The following MAP2K6 variants were observed in gnomAD, a reference collection of about 807,000 sequenced individuals.
The protein encoded by MAP2K6 is dual specificity mitogen-activated protein kinase kinase 6.
Under a neutral mutation model 53.7 loss-of-function variants are expected in MAP2K6, and 16 were observed. That is an observed-to-expected ratio of 0.30 (90% CI 0.20 to 0.45). The LOEUF (loss-of-function observed/expected upper bound fraction) is 0.45, where lower values mean the gene tolerates loss of function less well. MAP2K6 is among the 20% of genes least tolerant of loss of function. MAP2K6 has a pLI of 1.00. For synonymous variants in MAP2K6, 132 were observed against 143.1 expected (o/e 0.92, Z 0.55); for missense variants, 204 against 411.9 (o/e 0.50, Z 4.37).
intron 4 of MAP2K6, 128 bp from the exon 5 acceptor site, chr17:69,519,185 G>T: frequency 2.1e-6 from 2 of 939,300 alleles, no homozygotes; most frequent in Non-Finnish European, 1.6e-6. Context: ...AATCACTTTG[G>T]GTGGCTATTC....
Position 69,517,595 on chromosome 17 carries a change from G to T in MAP2K6, c.228G>T (p.Gly76=). ...VVEKMRHVPS[G]QIMAVKRIRA... The stretch of plus-strand genomic sequence containing the variant: ...AGAAGATGCGGCACGTGCCCAGCGG[G>T]CAGATCATGGCAGTGAAGGTAGAGT... The change falls in exon 4 of 12, where the codon GGG becomes GGT. Residue 76 remains glycine (G), a synonymous_variant. Coordinates refer to ENST00000590474, the MANE Select transcript of MAP2K6 (RefSeq NM_002758.4). 3.1e-6 allele frequency: 5 copies of T among 1,600,480 alleles called. No individual in the cohort carries two copies. The highest frequency in any genetic ancestry group is 4.3e-6 in the Non-Finnish European group (5 of 1,171,996).
At position 69,541,855 on chromosome 17, in the gene MAP2K6, T is replaced by A; in HGVS notation, c.*102T>A. The A allele has an allele frequency of 3.6e-6, 3 of 844,320 alleles. No individual in the cohort carries two copies. Among genetic ancestry groups the A allele is most frequent in the Non-Finnish European group, 5.7e-6 (3 of 530,204 alleles). 52.3% of individuals were successfully genotyped at this position (844,320 alleles called of 1,614,324 possible). A position where few individuals can be genotyped will look rare whatever the true frequency, so the allele number is the denominator to read the frequency against. ...ATAGAAAGTCATCTTTGAGATAATT[T>A]AACCCTGCCTCTCAGAGGGTTTTCT... On this transcript the variant is annotated 3_prime_UTR_variant, in exon 12 of 12. Coordinates refer to ENST00000590474, the MANE Select transcript of MAP2K6 (RefSeq NM_002758.4).
chr17:69,448,638 C>A (rs963980682), intron 1 of MAP2K6, among the ~76,000 whole-genome samples: 8 of 152,098 alleles, frequency 5.3e-5, no homozygotes, highest in African/African-American at 1.7e-4. Flanking sequence ...CACTCTTGAC[C>A]CCCTGTGGCT....
At chr17:69,439,299 G>A (rs1906743299) in intron 1 of MAP2K6, among the ~76,000 whole-genome samples, 1 of 152,118 alleles carries the variant, frequency 6.6e-6, no homozygotes, top group Non-Finnish European at 1.5e-5. Context: ...AAAAGATTGA[G>A]TCTATCTAAA....
chr17:69,465,664 G>T (rs1050829945), intron 1 of MAP2K6, among the ~76,000 whole-genome samples: 4 of 150,022 alleles, frequency 2.7e-5, no homozygotes, highest in Non-Finnish European at 5.9e-5. Flanking sequence ...TTGTTGTCCA[G>T]GCTGGAATAC....
chr17:69,478,444 T>C (rs915017431), intron 1 of MAP2K6, among the ~76,000 whole-genome samples: 2 of 152,170 alleles, frequency 1.3e-5, no homozygotes, highest in African/African-American at 2.4e-5. Flanking sequence ...CTTTCTTTCT[T>C]TTTTTGAGAC....
intron 1 of MAP2K6, among the ~76,000 whole-genome samples, chr17:69,421,839 G>A (rs1411615980): frequency 6.6e-6 from 1 of 151,920 alleles, no homozygotes; most frequent in Non-Finnish European, 1.5e-5. Context: ...CACCACGCCC[G>A]GCCCAGAGAC....
At chr17:69,468,905 G>A (rs1444711596) in intron 1 of MAP2K6, among the ~76,000 whole-genome samples, 2 of 152,230 alleles carry the variant, frequency 1.3e-5, no homozygotes, top group Non-Finnish European at 2.9e-5. Context: ...GTGCAAAGAT[G>A]TGTAAGAGCT....
At chr17:69,487,620 T>G (rs1348632638) in intron 1 of MAP2K6, among the ~76,000 whole-genome samples, 3 of 152,230 alleles carry the variant, frequency 2.0e-5, no homozygotes, top group Non-Finnish European at 4.4e-5. Context: ...AGGGTGAGGC[T>G]TACATTAATA....
chr17:69,524,605 G>T (rs927276714), intron 8 of MAP2K6, among the ~76,000 whole-genome samples: 1 of 152,008 alleles, frequency 6.6e-6, no homozygotes. Flanking sequence ...TTCTAGATGG[G>T]CAAAGTAGCT....
chr17:69,506,914 G>A (rs1209203501), intron 2 of MAP2K6, among the ~76,000 whole-genome samples: 1 of 151,930 alleles, frequency 6.6e-6, no homozygotes, highest in African/African-American at 2.4e-5. Flanking sequence ...AGGAAGATCC[G>A]TCTTCCCATA....
intron 2 of MAP2K6, among the ~76,000 whole-genome samples, chr17:69,510,706 T>C (rs1446356793): frequency 2.0e-5 from 3 of 152,164 alleles, no homozygotes; most frequent in Non-Finnish European, 2.9e-5. Context: ...GAGGAGTTGG[T>C]CCATTTCTTC....
At chr17:69,421,790 G>A (rs376356744) in intron 1 of MAP2K6, among the ~76,000 whole-genome samples, 67 of 151,862 alleles carry the variant, frequency 4.4e-4, no homozygotes, top group African/African-American at 1.6e-3. Flanking sequence ...TGATCCACCC[G>A]CCTCGGCCTC....
intron 1 of MAP2K6, among the ~76,000 whole-genome samples, chr17:69,463,525 C>G (rs936120265): frequency 6.7e-6 from 1 of 149,868 alleles, no homozygotes; most frequent in African/African-American, 2.5e-5. Context: ...TATATACACA[C>G]GCAATCTTGG....
chr17:69,525,390 C>T (rs569751671), intron 9 of MAP2K6, among the ~76,000 whole-genome samples: 2 of 152,310 alleles, frequency 1.3e-5, no homozygotes, highest in South Asian at 4.1e-4. Flanking sequence ...TTATCCAGGA[C>T]ATAGACTATG....
At chr17:69,536,052 A>C in intron 10 of MAP2K6, 63 bp from the exon 11 acceptor site, 1 of 1,106,156 alleles carries the variant, frequency 9.0e-7, no homozygotes, top group Non-Finnish European at 1.4e-6. Context: ...AGGTTCTGAA[A>C]TCCTTGTCTA....
intron 10 of MAP2K6, among the ~76,000 whole-genome samples, chr17:69,533,735 G>GT (rs35697742): frequency 0.34 from 47,788 of 140,012 alleles, 8,705 homozygotes; most frequent in East Asian, 0.53. Flanking sequence ...TAGCCTGTTT[G>GT]TTTTTTTTTT....
intron 1 of MAP2K6, among the ~76,000 whole-genome samples, chr17:69,430,130 C>A (rs1906409842): frequency 6.6e-6 from 1 of 152,178 alleles, no homozygotes; most frequent in South Asian, 2.1e-4. Context: ...AGTTCGAGAC[C>A]AGCCTGTCCA....
intron 1 of MAP2K6, among the ~76,000 whole-genome samples, chr17:69,415,818 C>T (rs1400827643): frequency 2.6e-5 from 4 of 152,108 alleles, no homozygotes; most frequent in Admixed American, 2.6e-4. Context: ...TGTGTAACTG[C>T]GTGTATTTAG....
Sources: gnomAD v4.1 joint callset for allele counts (sites outside exome capture counted in the v4.1 genomes callset) on GRCh38, gnomAD v4.1.1 for gene constraint, MANE v1.5 for transcripts, NCBI Gene and HGNC (gene_info 2026-07-23, HGNC 2026-07-21) for gene names.